The following CFAP57 variants were observed in gnomAD, a reference collection of about 807,000 sequenced individuals.
The protein encoded by CFAP57 is cilia- and flagella-associated protein 57.
CFAP57 carries 116 observed loss-of-function variants against 146.8 expected under a neutral mutation model. The observed-to-expected ratio is 0.79, with a 90% CI of 0.68 to 0.92. CFAP57 has a LOEUF of 0.92. Among genes scored for constraint, CFAP57 ranks in the 40% least tolerant of loss-of-function variants. The pLI, the probability that CFAP57 is intolerant of heterozygous loss-of-function variation, is 0.00. For missense variants in CFAP57, 1,377 were observed against 1,527.2 expected, an observed-to-expected ratio of 0.90 and a Z score of 1.64; for synonymous variants, 518 against 552.8, an observed-to-expected ratio of 0.94 and a Z score of 0.88.
chr1:43,207,750 C>T (rs965232140), intron 10 of CFAP57, among the ~76,000 whole-genome samples: 1 of 152,148 alleles, frequency 6.6e-6, no homozygotes, highest in African/African-American at 2.4e-5. Context: ...ATGGGCTGTG[C>T]GCTCCTCCAG....
At position 43,254,196 on chromosome 1, in the gene CFAP57, C is replaced by T. The variant is rs762101464; in HGVS notation, c.*5C>T. 4 of 1,543,012 alleles carry T rather than the reference C, an allele frequency of 2.6e-6. No homozygotes were observed. The South Asian group carries it at 4.8e-5, about 18-fold the overall frequency. ...TTAGAGGTGAAGACCAACTGACCCC[C>T]TCTGGTGAGCCATCTCCAGCCACAG... On this transcript the variant is annotated 3_prime_UTR_variant, in exon 23 of 23. Coordinates refer to ENST00000372492, the MANE Select transcript of CFAP57 (RefSeq NM_001378189.1).
intron 22 of CFAP57, among the ~76,000 whole-genome samples, chr1:43,245,326 C>CAA (rs66511657): frequency 0.078 from 11,092 of 141,938 alleles, 576 homozygotes; most frequent in East Asian, 0.21. Flanking sequence ...GACCCTGTCT[C>CAA]AAAAAAAAAA....
Position 43,229,690 on chromosome 1 carries a change from T to C in CFAP57, c.3009+2564T>C, listed in dbSNP as rs1230660220. On this transcript the variant is annotated intron_variant, in intron 18 of 22. Transcript: ENST00000372492. ...TTTCCCGAGGCTTGTCGTTTTAGTT[T>C]ACACTCATTTACTAGGGCAGGGTTT... 2.0e-5 allele frequency among the ~76,000 whole-genome samples: 3 copies of C among 148,740 alleles called. 1 individual carries two copies. Among genetic ancestry groups the C allele is most frequent in the African/African-American group, 7.5e-5 (3 of 39,764 alleles).
chr1:43,193,584 C>G (rs778647197), intron 6 of CFAP57, among the ~76,000 whole-genome samples: 10 of 152,150 alleles, frequency 6.6e-5, no homozygotes, highest in Middle Eastern at 3.4e-3. Flanking sequence ...CAATTTCATA[C>G]TAACTTAATG....
chr1:43,249,729 G>A (rs903416076), intron 22 of CFAP57, among the ~76,000 whole-genome samples: 1 of 151,120 alleles, frequency 6.6e-6, no homozygotes, highest in Admixed American at 6.6e-5. Context: ...ACAGGTGTGA[G>A]CCACTGCGCC....
At chr1:43,216,533 G>A (rs1320592312) in intron 12 of CFAP57, among the ~76,000 whole-genome samples, 1 of 152,152 alleles carries the variant, frequency 6.6e-6, no homozygotes, top group Middle Eastern at 3.2e-3. Flanking sequence ...CCAAAGGCCT[G>A]AAGGTGCCCA....
chr1:43,194,757 G>A lies in CFAP57; in HGVS notation c.1123-2796G>A, dbSNP rs930691768. The A allele has an allele frequency of 6.6e-4, 100 of 152,042 alleles. 1 individual carries two copies. The highest frequency in any genetic ancestry group is 2.3e-3 in the African/African-American group (97 of 41,400). 9.4% of individuals were successfully genotyped at this position (152,042 alleles called of 1,614,324 possible). On this transcript the variant is annotated intron_variant, in intron 6 of 22. Coordinates refer to ENST00000372492, the MANE Select transcript of CFAP57 (RefSeq NM_001378189.1). ...TAGTGGATTTTTCATTTCAGTTATT[G>A]TAGTTTTTAACTCTAGAATTTCTAT...
intron 17 of CFAP57, among the ~76,000 whole-genome samples, chr1:43,225,768 TTA>T (rs776433280): frequency 1.1e-4 from 17 of 152,250 alleles, no homozygotes; most frequent in Non-Finnish European, 1.9e-4. Context: ...TGTGTTGTAT[TTA>T]TATTTGGAAA....
At chr1:43,236,590 T>TA (rs764205138) in intron 21 of CFAP57, among the ~76,000 whole-genome samples, 20,868 of 41,416 alleles carry the variant, frequency 0.5, 8,103 homozygotes, top group Non-Finnish European at 0.52. Context: ...GAATAAGTGC[T>TA]AAAAAAAAAA....
Position 43,195,333 on chromosome 1 carries a change from C to A in CFAP57, c.1123-2220C>A, listed in dbSNP as rs1001636616. On this transcript the variant is annotated intron_variant, in intron 6 of 22. Transcript: ENST00000372492. Reference sequence around the variant, plus strand: ...GGTCAAGAGATCGAGACCATCCTGGCCAACATGGTGAAACCCCGTCTCTAC... The same window carrying A: ...GGTCAAGAGATCGAGACCATCCTGGACAACATGGTGAAACCCCGTCTCTAC... Among the ~76,000 whole-genome samples, 3 of 151,962 alleles carry A rather than the reference C, an allele frequency of 2.0e-5. No individual in the cohort carries two copies. The East Asian group carries it at 5.8e-4, about 29-fold the overall frequency.
chr1:43,253,959 T>A lies in CFAP57; in HGVS notation c.3539-18T>A. 6.5e-7 allele frequency: 1 copy of A among 1,545,418 alleles called. No individual in the cohort carries two copies. Among genetic ancestry groups the A allele is most frequent in the Non-Finnish European group, 8.8e-7 (1 of 1,142,488 alleles). ...AGTGCAATGGACAGGCCCACATGAG[T>A]CCTGTTGTCTCTTACAGAACCCAGC... On this transcript the variant is annotated intron_variant, in intron 22 of 22. Transcript: ENST00000372492.
At chr1:43,248,326 T>A (rs1646194065) in intron 22 of CFAP57, among the ~76,000 whole-genome samples, 1 of 149,016 alleles carries the variant, frequency 6.7e-6, no homozygotes, top group Non-Finnish European at 1.5e-5. Context: ...TTTCTTTTTT[T>A]TTTTTTTTTG....
chr1:43,211,162 G>A (rs1644592186), intron 11 of CFAP57, among the ~76,000 whole-genome samples: 1 of 152,030 alleles, frequency 6.6e-6, no homozygotes, highest in South Asian at 2.1e-4. Flanking sequence ...ACCAAGCCTG[G>A]GCCTTGGGTC....
chr1:43,199,331 A>G, intron 8 of CFAP57, 59 bp from the exon 9 acceptor site: 1 of 1,529,048 alleles, frequency 6.5e-7, no homozygotes, highest in South Asian at 1.1e-5. Flanking sequence ...CTTGACTGTA[A>G]CCTCTAATTA....
rs370396617 is a variant in CFAP57, at chr1:43,215,537, C to T, written c.2091+121C>T. 271 of 1,169,978 alleles carry T rather than the reference C, an allele frequency of 2.3e-4. 1 individual carries two copies. In the African/African-American group the frequency reaches 3.1e-3, roughly 13 times the overall value. The allele number at this position is 1,169,978 out of a possible 1,614,324, so 72.5% of individuals were successfully genotyped here. On this transcript the variant is annotated intron_variant, in intron 12 of 22. Coordinates refer to ENST00000372492, the MANE Select transcript of CFAP57 (RefSeq NM_001378189.1). The stretch of plus-strand genomic sequence containing the variant: ...ACCCTATGCCCAGTGCAGACCCCCA[C>T]GGCTCCCTGCACATCTGCTGTCCCC...
chr1:43,243,175 C>A, intron 21 of CFAP57, 52 bp from the exon 22 acceptor site: 1 of 1,540,816 alleles, frequency 6.5e-7, no homozygotes, highest in South Asian at 1.2e-5. Flanking sequence ...TGCCTTGTGC[C>A]CACTGACCAC....
chr1:43,180,239 AAAATAT>A (rs944715412), intron 2 of CFAP57, among the ~76,000 whole-genome samples: 2 of 145,004 alleles, frequency 1.4e-5, no homozygotes, highest in Admixed American at 7.0e-5. Flanking sequence ...ATATATATAT[AAAATAT>A]ATATACACAC....
chr1:43,219,267 C>A, intron 12 of CFAP57, 115 bp from the exon 13 acceptor site: 1 of 1,109,342 alleles, frequency 9.0e-7, no homozygotes, highest in Non-Finnish European at 1.3e-6. Context: ...CTAGTTGAGA[C>A]ACATTGAGTT....
At chr1:43,232,255 G>A in intron 18 of CFAP57, 1 of 592,028 alleles carries the variant, frequency 1.7e-6, no homozygotes, top group Non-Finnish European at 3.0e-6. Context: ...GAAAGGGAAA[G>A]TGACTCAGAG....
Sources: allele counts gnomAD v4.1 joint callset (sites outside exome capture counted in the v4.1 genomes callset), GRCh38; gene constraint gnomAD v4.1.1; transcripts MANE v1.5; gene names NCBI Gene and HGNC (gene_info 2026-07-23, HGNC 2026-07-21).